HS3ST5: variants seen among roughly 807,000 people sequenced by gnomAD.
HS3ST5 encodes heparan sulfate-glucosamine 3-sulfotransferase 5.
A neutral mutation model predicts 25.4 loss-of-function variants in HS3ST5; 10 were observed. The ratio of observed to expected loss-of-function variants is 0.39; its 90% CI spans 0.24 to 0.67. The LOEUF (loss-of-function observed/expected upper bound fraction) is 0.67. Ranked by LOEUF, HS3ST5 falls within the 30% of genes least tolerant of loss-of-function variation. The pLI, the probability that HS3ST5 is intolerant of heterozygous loss-of-function variation, is 0.44. For synonymous variants in HS3ST5, 170 were observed against 162.4 expected (o/e 1.05, Z -0.36); for missense variants, 324 against 420.7 (o/e 0.77, Z 2.01).
chr6:114,197,384 A>G (rs1051446156), intron 2 of HS3ST5, among the ~76,000 whole-genome samples: 1 of 152,126 alleles, frequency 6.6e-6, no homozygotes, highest in Non-Finnish European at 1.5e-5. Flanking sequence ...ATTGTAGTCT[A>G]AAACGTTTTC....
At chr6:114,207,230 C>T (rs1781310396) in intron 2 of HS3ST5, among the ~76,000 whole-genome samples, 1 of 152,144 alleles carries the variant, frequency 6.6e-6, no homozygotes, top group African/African-American at 2.4e-5. Flanking sequence ...GCTGTATAAG[C>T]TGCCCTTTTG....
At chr6:114,293,978 T>G (rs749576662) in intron 1 of HS3ST5, among the ~76,000 whole-genome samples, 2 of 152,032 alleles carry the variant, frequency 1.3e-5, no homozygotes, top group Non-Finnish European at 2.9e-5. Context: ...GCCTTGCAAG[T>G]GAGGAAGCAT....
intron 1 of HS3ST5, among the ~76,000 whole-genome samples, chr6:114,262,956 T>C (rs1773243577): frequency 6.6e-6 from 1 of 152,272 alleles, no homozygotes; most frequent in Admixed American, 6.5e-5. Context: ...TTATTAGTAA[T>C]ATGCTTGAAA....
chr6:114,171,620 T>C (rs1779477357), intron 2 of HS3ST5, among the ~76,000 whole-genome samples: 1 of 152,208 alleles, frequency 6.6e-6, no homozygotes. Flanking sequence ...CAGCCCATTT[T>C]ACAGATGAAT....
At chr6:114,128,009 C>A (rs1582631105) in intron 3 of HS3ST5, among the ~76,000 whole-genome samples, 1 of 151,556 alleles carries the variant, frequency 6.6e-6, no homozygotes, top group East Asian at 1.9e-4. Flanking sequence ...CATACAGCTG[C>A]CTGAAAAAGG....
At chr6:114,129,342 G>T (rs561738807) in intron 3 of HS3ST5, among the ~76,000 whole-genome samples, 1 of 136,368 alleles carries the variant, frequency 7.3e-6, no homozygotes, top group Non-Finnish European at 1.5e-5. Context: ...TGCAAGCTCC[G>T]CCTCCTGGGT....
chr6:114,183,352 C>A (rs1237097573), intron 2 of HS3ST5, among the ~76,000 whole-genome samples: 2 of 152,160 alleles, frequency 1.3e-5, no homozygotes, highest in Non-Finnish European at 2.9e-5. Context: ...CTCTCATTTT[C>A]TTCTCTTGTC....
At chr6:114,296,032 G>A (rs541058889) in intron 1 of HS3ST5, among the ~76,000 whole-genome samples, 7 of 152,176 alleles carry the variant, frequency 4.6e-5, no homozygotes, top group East Asian at 1.9e-4. Context: ...TCAGCCAAAC[G>A]GTCACCTATC....
chr6:114,209,186 G>A (rs574301140), intron 2 of HS3ST5, among the ~76,000 whole-genome samples: 2 of 152,154 alleles, frequency 1.3e-5, no homozygotes, highest in East Asian at 3.9e-4. Context: ...TTGCCAGTGA[G>A]ACTGTACATT....
At chr6:114,318,701 G>A (rs1476432310) in intron 1 of HS3ST5, among the ~76,000 whole-genome samples, 2 of 152,106 alleles carry the variant, frequency 1.3e-5, no homozygotes, top group East Asian at 3.9e-4. Context: ...GCAGACTTGG[G>A]TTCAAATGCC....
intron 1 of HS3ST5, among the ~76,000 whole-genome samples, chr6:114,308,619 A>G (rs578061728): frequency 6.6e-6 from 1 of 152,182 alleles, no homozygotes; most frequent in Non-Finnish European, 1.5e-5. Context: ...AACTAACTAG[A>G]TGGCTCACTG....
intron 3 of HS3ST5, among the ~76,000 whole-genome samples, chr6:114,065,657 AT>A (rs560362263): frequency 4.6e-5 from 7 of 152,216 alleles, no homozygotes; most frequent in Non-Finnish European, 7.3e-5. Context: ...ATTATGTGTC[AT>A]TTGTTTCTTA....
intron 1 of HS3ST5, chr6:114,231,581 C>T (rs1436186913): frequency 6.6e-6 from 1 of 152,094 alleles, no homozygotes; most frequent in African/African-American, 2.4e-5. Flanking sequence ...GATTTCCTAT[C>T]CCTTTCTGAA....
intron 1 of HS3ST5, among the ~76,000 whole-genome samples, chr6:114,280,806 C>T (rs895155857): frequency 5.9e-5 from 9 of 152,038 alleles, no homozygotes; most frequent in East Asian, 1.9e-4. Flanking sequence ...CAAAGTAGGG[C>T]GCCTTCAGCT....
At chr6:114,309,797 A>G (rs1392728919) in intron 1 of HS3ST5, among the ~76,000 whole-genome samples, 2 of 152,178 alleles carry the variant, frequency 1.3e-5, no homozygotes, top group Non-Finnish European at 2.9e-5. Flanking sequence ...TAAATATGAG[A>G]AATAAAACAC....
chr6:114,140,244 T>C (rs1487170802), intron 3 of HS3ST5, among the ~76,000 whole-genome samples: 1 of 152,212 alleles, frequency 6.6e-6, no homozygotes, highest in Non-Finnish European at 1.5e-5. Context: ...TTGGCAATAT[T>C]AGACTAGAAT....
At chr6:114,258,941 A>T in intron 1 of HS3ST5, among the ~76,000 whole-genome samples, 1 of 152,180 alleles carries the variant, frequency 6.6e-6, no homozygotes, top group Non-Finnish European at 1.5e-5. Context: ...ACATTAATAC[A>T]GAGGCTTTGG....
At chr6:114,295,091 CAA>C (rs1451786809) in intron 1 of HS3ST5, among the ~76,000 whole-genome samples, 1 of 152,084 alleles carries the variant, frequency 6.6e-6, no homozygotes, top group Non-Finnish European at 1.5e-5. Flanking sequence ...AAATCACACA[CAA>C]GAGCAAGATT....
chr6:114,216,242 G>A (rs962086438), intron 2 of HS3ST5, among the ~76,000 whole-genome samples: 2 of 152,186 alleles, frequency 1.3e-5, no homozygotes, highest in Non-Finnish European at 2.9e-5. Flanking sequence ...CTAGACCCTG[G>A]AGTAAATCAA....
Sources: gnomAD v4.1 joint callset for allele counts (sites outside exome capture counted in the v4.1 genomes callset) on GRCh38, gnomAD v4.1.1 for gene constraint, MANE v1.5 for transcripts, NCBI Gene and HGNC (gene_info 2026-07-23, HGNC 2026-07-21) for gene names.